The following EPB41L2 variants were observed in gnomAD, a reference collection of about 807,000 sequenced individuals.
The protein encoded by EPB41L2 is erythrocyte membrane protein band 4.1 like 2.
EPB41L2 carries 43 observed loss-of-function variants against 113.0 expected under a neutral mutation model. The ratio of observed to expected loss-of-function variants is 0.38; its 90% CI spans 0.30 to 0.49. The LOEUF (loss-of-function observed/expected upper bound fraction) is 0.49, where lower values mean the gene tolerates loss of function less well. Ranked by LOEUF, EPB41L2 falls within the 20% of genes least tolerant of loss-of-function variation. The probability of loss-of-function intolerance (pLI) is 0.95; values close to 1 mark genes in which losing one functional copy is unlikely to be tolerated. For missense variants in EPB41L2, 1,147 were observed against 1,223.4 expected (o/e 0.94, Z 0.93); for synonymous variants, 442 against 436.7 (o/e 1.01, Z -0.15).
intron 1 of EPB41L2, among the ~76,000 whole-genome samples, chr6:131,050,807 T>C (rs1796363046): frequency 6.6e-6 from 1 of 152,238 alleles, no homozygotes; most frequent in African/African-American, 2.4e-5. Context: ...TTGCCCAGGC[T>C]GGTCTTGAAT....
intron 3 of EPB41L2, among the ~76,000 whole-genome samples, chr6:130,930,559 T>C (rs1199668359): frequency 2.0e-5 from 3 of 152,206 alleles, no homozygotes; most frequent in African/African-American, 7.2e-5. Context: ...CATCTGACTC[T>C]AACGCAGATG....
intron 1 of EPB41L2, among the ~76,000 whole-genome samples, chr6:130,978,299 G>A (rs764339525): frequency 3.9e-5 from 6 of 152,200 alleles, no homozygotes; most frequent in Non-Finnish European, 7.3e-5. Flanking sequence ...GAGTGTGGTG[G>A]GGAGGTACAG....
intron 1 of EPB41L2, among the ~76,000 whole-genome samples, chr6:131,012,250 GA>G (rs957271072): frequency 6.6e-6 from 1 of 150,892 alleles, no homozygotes; most frequent in South Asian, 2.1e-4. Context: ...GTTTTGTTAT[GA>G]AAAAAAATCT....
rs1208186205 is a variant in EPB41L2 at position 130,956,372 on chromosome 6, A to C, written c.114T>G (p.Ser38=). The C allele has an allele frequency of 6.2e-7, 1 of 1,614,192 alleles. No homozygotes were observed. The highest frequency in any genetic ancestry group is 2.2e-5 in the East Asian group (1 of 44,884). The change falls in exon 2 of 20, where the codon TCT becomes TCG. Residue 38 remains serine (S), a synonymous_variant. Coordinates refer to ENST00000337057, the MANE Select transcript of EPB41L2 (RefSeq NM_001431.4). ...AACCTTTTTCCTCCTCTGGATCGGAAGACTGATTCTGCTGATTTTCTGCTA... is the reference window on the plus strand; with the variant it reads ...AACCTTTTTCCTCCTCTGGATCGGACGACTGATTCTGCTGATTTTCTGCTA... ...KEVAENQQNQ[S]SDPEEEKGSQ...
intron 7 of EPB41L2, among the ~76,000 whole-genome samples, chr6:130,900,433 G>A (rs978909091): frequency 3.3e-5 from 5 of 152,114 alleles, no homozygotes; most frequent in Admixed American, 6.5e-5. Flanking sequence ...TTCTAGAAGC[G>A]TAATATGGTA....
intron 1 of EPB41L2, among the ~76,000 whole-genome samples, chr6:131,042,053 T>C (rs1474772476): frequency 6.6e-6 from 1 of 152,188 alleles, no homozygotes; most frequent in East Asian, 1.9e-4. Flanking sequence ...ATGGGGAACA[T>C]GGGTTTGGAA....
chr6:130,843,471 G>A (rs746188107), intron 19 of EPB41L2, among the ~76,000 whole-genome samples: 1 of 152,062 alleles, frequency 6.6e-6, no homozygotes, highest in Non-Finnish European at 1.5e-5. Context: ...TAGAAGTCTG[G>A]GCATCTTTGT....
At chr6:130,985,678 C>G (rs1407180723) in intron 1 of EPB41L2, among the ~76,000 whole-genome samples, 1 of 152,066 alleles carries the variant, frequency 6.6e-6, no homozygotes, top group Non-Finnish European at 1.5e-5. Context: ...GTCACTGGAT[C>G]AGAATTATAC....
chr6:131,028,347 G>A lies in EPB41L2; in HGVS notation c.-15+34808C>T, dbSNP rs144077139. Among the ~76,000 whole-genome samples the A allele has an allele frequency of 1.8e-4, 28 of 152,148 alleles. No homozygotes were observed. In the East Asian group the frequency reaches 3.1e-3, roughly 17 times the overall value. On this transcript the variant is annotated intron_variant, in intron 1 of 19. Coordinates refer to ENST00000337057, the MANE Select transcript of EPB41L2 (RefSeq NM_001431.4). ...TGGCCATGTTCTATTTATTTGTCACGAATGGATTGGGTCATCCCTTAGTGC... is the reference window on the plus strand; with the variant it reads ...TGGCCATGTTCTATTTATTTGTCACAAATGGATTGGGTCATCCCTTAGTGC...
intron 1 of EPB41L2, among the ~76,000 whole-genome samples, chr6:130,960,531 C>G (rs2128632010): frequency 6.6e-6 from 1 of 152,220 alleles, no homozygotes; most frequent in East Asian, 1.9e-4. Context: ...ATTCACAACA[C>G]CCATAAGGGT....
At chr6:130,893,612 G>C (rs1024720459) in intron 10 of EPB41L2, among the ~76,000 whole-genome samples, 4 of 152,198 alleles carry the variant, frequency 2.6e-5, no homozygotes, top group African/African-American at 9.6e-5. Context: ...CTAATCCATA[G>C]AGTTGTGCTA....
Position 130,939,074 on chromosome 6 carries a change from C to T in EPB41L2, c.706-12365G>A, listed in dbSNP as rs148360588. On this transcript the variant is annotated intron_variant, in intron 3 of 19. Transcript: ENST00000337057. ...CCAACCATGAACACAGGAATGAAAT[C>T]TTTCCCCTTTACTGCACAGGCTCCA... Among the ~76,000 whole-genome samples, 5 of 152,078 alleles carry T rather than the reference C, an allele frequency of 3.3e-5. No individual in the cohort carries two copies. The East Asian group carries it at 9.7e-4, about 29-fold the overall frequency.
intron 8 of EPB41L2, 41 bp from the exon 9 acceptor site, chr6:130,895,160 A>G: frequency 1.3e-6 from 2 of 1,543,926 alleles, no homozygotes; most frequent in South Asian, 1.3e-5. Context: ...AAGAGCTGTG[A>G]AAGTTACACA....
chr6:130,965,687 T>C (rs1429202540), intron 1 of EPB41L2, among the ~76,000 whole-genome samples: 1 of 141,282 alleles, frequency 7.1e-6, no homozygotes, highest in African/African-American at 2.6e-5. Flanking sequence ...AAGTGGCACA[T>C]AAACATATGA....
intron 1 of EPB41L2, among the ~76,000 whole-genome samples, chr6:131,053,434 T>TAAAAACAAAAAAAAAAAAAAAA (rs1796986339): frequency 1.1e-5 from 1 of 88,906 alleles, no homozygotes; most frequent in African/African-American, 4.3e-5. Flanking sequence ...ATGGAAATGA[T>TAAAAACAAAAAAAAAAAAAAAA]AAAAAAAAAA....
At chr6:130,899,412 GC>G in intron 8 of EPB41L2, 78 bp downstream of exon 8, 1 of 1,124,222 alleles carries the variant, frequency 8.9e-7, no homozygotes, top group Non-Finnish European at 1.3e-6. Context: ...AATAAGCTGT[GC>G]TATCCTGAAA....
At chr6:130,896,349 T>C (rs969142382) in intron 8 of EPB41L2, among the ~76,000 whole-genome samples, 2 of 152,218 alleles carry the variant, frequency 1.3e-5, no homozygotes, top group Non-Finnish European at 2.9e-5. Flanking sequence ...TCTCTAGGAA[T>C]AGACTAAAAA....
rs185894277 is a variant in EPB41L2, at chr6:130,943,024, C to T, written c.705+12081G>A. On this transcript the variant is annotated intron_variant, in intron 3 of 19. Coordinates refer to ENST00000337057, the MANE Select transcript of EPB41L2 (RefSeq NM_001431.4). ...ATGGGCATTTGGGTTGGTTCCAAGTCTTTGCTACTGTGAATAGTGCTGCAA... is the reference window on the plus strand; with the variant it reads ...ATGGGCATTTGGGTTGGTTCCAAGTTTTTGCTACTGTGAATAGTGCTGCAA... 9.2e-4 allele frequency among the ~76,000 whole-genome samples: 140 copies of T among 152,280 alleles called. 1 individual carries two copies. Among genetic ancestry groups the T allele is most frequent in the Admixed American group, 1.9e-3 (29 of 15,300 alleles).
chr6:131,058,926 G>C (rs1454849972), intron 1 of EPB41L2, among the ~76,000 whole-genome samples: 1 of 151,980 alleles, frequency 6.6e-6, no homozygotes, highest in African/African-American at 2.4e-5. Context: ...TGAAGCACGA[G>C]AATTACTTGA....
Sources: allele counts gnomAD v4.1 joint callset (sites outside exome capture counted in the v4.1 genomes callset), GRCh38; gene constraint gnomAD v4.1.1; transcripts MANE v1.5; gene names NCBI Gene and HGNC (gene_info 2026-07-23, HGNC 2026-07-21).